The following CHD5 variants were observed in gnomAD, a reference collection of about 807,000 sequenced individuals.
CHD5 encodes chromodomain helicase DNA binding protein 5.
A neutral mutation model predicts 230.3 loss-of-function variants in CHD5; 69 were observed. That is an observed-to-expected ratio of 0.30 (90% CI 0.25 to 0.37). The LOEUF is 0.37. CHD5 is among the 10% of genes least tolerant of loss of function. The pLI is 1.00. For synonymous variants in CHD5, 1,064 were observed against 1,065.9 expected (o/e 1.00, Z 0.03); for missense variants, 1,827 against 2,622.8 (o/e 0.70, Z 6.63).
At chr1:6,108,399 G>A (rs1487238117) in intron 38 of CHD5, among the ~76,000 whole-genome samples, 1 of 146,712 alleles carries the variant, frequency 6.8e-6, no homozygotes, top group Non-Finnish European at 1.5e-5. Flanking sequence ...TGGAGGGATG[G>A]ACGGGTAGAG....
intron 38 of CHD5, among the ~76,000 whole-genome samples, chr1:6,107,901 G>A (rs541068798): frequency 7.3e-6 from 1 of 136,416 alleles, no homozygotes; most frequent in South Asian, 2.6e-4. Context: ...AGGATGGAGA[G>A]ATGGAGGGAT....
intron 2 of CHD5, among the ~76,000 whole-genome samples, chr1:6,160,916 G>A (rs1042993620): frequency 1.2e-4 from 18 of 152,190 alleles, no homozygotes; most frequent in South Asian, 8.3e-4. Flanking sequence ...GTCAACTGGC[G>A]AAGCCCTCCA....
At chr1:6,138,495 A>G (rs1441321988) in intron 15 of CHD5, among the ~76,000 whole-genome samples, 1 of 152,178 alleles carries the variant, frequency 6.6e-6, no homozygotes, top group Non-Finnish European at 1.5e-5. Context: ...GGTCTCCCCC[A>G]GTGATGTAGG....
chr1:6,121,694 A>C lies in CHD5; in HGVS notation c.4700-121T>G, dbSNP rs1468879845. The stretch of plus-strand genomic sequence containing the variant: ...CCTTCGGGAGGCTCCACTGCAGCCA[A>C]GCACCTCCAGGAGAGACAAGCAGGA... On this transcript the variant is annotated intron_variant, in intron 31 of 41. Transcript: ENST00000262450. The surrounding 1 kb of genome is among the most constrained non-coding windows in gnomAD (Gnocchi z 4.5). 3.0e-6 allele frequency: 2 copies of C among 658,860 alleles called. No homozygotes were observed. Among genetic ancestry groups the C allele is most frequent in the Non-Finnish European group, 5.4e-6 (2 of 372,398 alleles). 40.8% of individuals were successfully genotyped at this position (658,860 alleles called of 1,614,324 possible).
intron 1 of CHD5, among the ~76,000 whole-genome samples, chr1:6,171,701 A>G (rs1185767744): frequency 1.3e-5 from 2 of 152,066 alleles, no homozygotes; most frequent in South Asian, 2.1e-4. Flanking sequence ...CCTCCTCCCT[A>G]TGGCTCCATC....
rs1666143450 is a variant in CHD5, at chr1:6,105,270, G to A, written c.*204C>T. ...TGGAAGAACACTTGAATTATGATGA[G>A]GTGGCACTTCTGGGCTCTGGCCCAG... On this transcript the variant is annotated 3_prime_UTR_variant, in exon 42 of 42. Transcript: ENST00000262450. This position sits in a 1 kb window ranked among gnomAD's most constrained non-coding sequence, Gnocchi z 4.8. The A allele has an allele frequency of 2.6e-6, 1 of 385,350 alleles. No homozygotes were observed. The highest frequency in any genetic ancestry group is 5.3e-6 in the Non-Finnish European group (1 of 188,078). 23.9% of individuals were successfully genotyped at this position (385,350 alleles called of 1,614,324 possible). A position where few individuals can be genotyped will look rare whatever the true frequency, so the allele number is the denominator to read the frequency against.
intron 1 of CHD5, among the ~76,000 whole-genome samples, chr1:6,168,583 T>C (rs777013951): frequency 2.6e-5 from 4 of 152,322 alleles, no homozygotes; most frequent in South Asian, 2.1e-4. Context: ...ACAAACAGAA[T>C]TGCCTTGTTG....
intron 1 of CHD5, among the ~76,000 whole-genome samples, chr1:6,179,688 T>G (rs1051742992): frequency 6.7e-6 from 1 of 148,286 alleles, no homozygotes; most frequent in Non-Finnish European, 1.5e-5. Flanking sequence ...CTGGCCCGCC[T>G]GGCCCGCGTC....
At position 6,102,829 on chromosome 1, in the gene CHD5, T is replaced by C. The variant is rs2100822031; in HGVS notation, c.*2645A>G. 6.6e-6 allele frequency: 1 copy of C among 152,402 alleles called. No individual in the cohort carries two copies. The allele number at this position is 152,402 out of a possible 1,614,324, so 9.4% of individuals were successfully genotyped here. On this transcript the variant is annotated 3_prime_UTR_variant, in exon 42 of 42. Coordinates refer to ENST00000262450, the MANE Select transcript of CHD5 (RefSeq NM_015557.3). ...TGGCTTTCACGGGGGACGCTGCTTC[T>C]GCCTCAGGCGTGTATGAGAGGGCCC...
intron 1 of CHD5, among the ~76,000 whole-genome samples, chr1:6,170,316 A>G (rs865963405): frequency 6.6e-5 from 10 of 152,176 alleles, no homozygotes; most frequent in Middle Eastern, 3.4e-3. Context: ...TGGGACCCCC[A>G]GAGAGTCCTA....
chr1:6,102,836 G>A lies in CHD5; in HGVS notation c.*2638C>T, dbSNP rs1315837298. ...CACGGGGGACGCTGCTTCTGCCTCA[G>A]GCGTGTATGAGAGGGCCCTGCAGAC... On this transcript the variant is annotated 3_prime_UTR_variant, in exon 42 of 42. Coordinates refer to ENST00000262450, the MANE Select transcript of CHD5 (RefSeq NM_015557.3). 5 of 152,320 alleles carry A rather than the reference G, an allele frequency of 3.3e-5. No individual in the cohort carries two copies. Among genetic ancestry groups the A allele is most frequent in the African/African-American group, 9.7e-5 (4 of 41,448 alleles). 9.4% of individuals were successfully genotyped at this position (152,320 alleles called of 1,614,324 possible). A position where few individuals can be genotyped will look rare whatever the true frequency, so the allele number is the denominator to read the frequency against.
rs1666548849 is a variant in CHD5, at chr1:6,125,999, G to A, written c.4079-141C>T. The A allele has an allele frequency of 1.5e-6, 1 of 664,840 alleles. No individual in the cohort carries two copies. The highest frequency in any genetic ancestry group is 1.7e-5 in the South Asian group (1 of 57,572). The allele number at this position is 664,840 out of a possible 1,614,324, so 41.2% of individuals were successfully genotyped here. On this transcript the variant is annotated intron_variant, in intron 26 of 41. Coordinates refer to ENST00000262450, the MANE Select transcript of CHD5 (RefSeq NM_015557.3). This position sits in a 1 kb window ranked among gnomAD's most constrained non-coding sequence, Gnocchi z 6.7. ...AGTGACAATGGCCCACATACTTCCT[G>A]TGGGCTCATTTAGTAATCCCAACAC...
In CHD5 at chr1:6,121,109, C is replaced by A; in HGVS notation, c.4908G>T (p.Pro1636=). ...TGGCCTGCAAGAAGCCCCAACCTCTCGGCAGCTGCTCCGGGGAGGGCGGGG... is the reference window on the plus strand; with the variant it reads ...TGGCCTGCAAGAAGCCCCAACCTCTAGGCAGCTGCTCCGGGGAGGGCGGGG... ...EKAPPSPEQL[P]REEVLPEKEK... Residue 1636 remains proline, a synonymous_variant, in exon 33 of 42, where the codon CCG becomes CCT. Coordinates refer to ENST00000262450, the MANE Select transcript of CHD5 (RefSeq NM_015557.3). This position sits in a 1 kb window ranked among gnomAD's most constrained non-coding sequence, Gnocchi z 4.5. 6.3e-7 allele frequency: 1 copy of A among 1,595,936 alleles called. No homozygotes were observed. The highest frequency in any genetic ancestry group is 8.5e-7 in the Non-Finnish European group (1 of 1,172,302).
At position 6,105,977 on chromosome 1, in the gene CHD5, A is replaced by G. The variant is rs1470696288; in HGVS notation, c.*46+257T>C. Among the ~76,000 whole-genome samples the G allele has an allele frequency of 6.6e-6, 1 of 152,124 alleles. No homozygotes were observed. Among genetic ancestry groups the G allele is most frequent in the Admixed American group, 6.5e-5 (1 of 15,280 alleles). On this transcript the variant is annotated intron_variant, in intron 41 of 41. Transcript: ENST00000262450. This position sits in a 1 kb window ranked among gnomAD's most constrained non-coding sequence, Gnocchi z 4.8. ...CATGTGCACACACAGGAGCTCACCC[A>G]AGTCCACCGACCCCTTCATGTCCTG... is the stretch of plus-strand genomic sequence containing the variant.
At chr1:6,149,192 G>T in intron 8 of CHD5, 54 bp downstream of exon 8, 2 of 1,510,134 alleles carry the variant, frequency 1.3e-6, no homozygotes, top group Admixed American at 2.1e-5. Context: ...GGGCACAGGG[G>T]TGGGGGAGCC....
intron 3 of CHD5, among the ~76,000 whole-genome samples, chr1:6,158,463 G>A (rs1667113071): frequency 6.6e-6 from 1 of 152,212 alleles, no homozygotes; most frequent in Non-Finnish European, 1.5e-5. Flanking sequence ...AGAGGTTCCT[G>A]ACACTAAACT....
intron 36 of CHD5, among the ~76,000 whole-genome samples, chr1:6,110,998 G>A (rs1469094396): frequency 6.6e-6 from 1 of 152,158 alleles, no homozygotes; most frequent in Non-Finnish European, 1.5e-5. Context: ...GGGAGGCCAA[G>A]GTGGGCAGAT....
chr1:6,162,358 C>A (rs182205746), intron 2 of CHD5, among the ~76,000 whole-genome samples: 1 of 151,576 alleles, frequency 6.6e-6, no homozygotes, highest in African/African-American at 2.4e-5. Flanking sequence ...TGTACTCCAG[C>A]CTGGGTAATA....
chr1:6,134,882 G>A lies in CHD5; in HGVS notation c.2871-23C>T. Reference sequence around the variant, plus strand: ...TTCCTGCAGCAGGGCACGAGGAAAGGCAGGCTGGGTCAGACCCGCCTCCAT... The same window carrying A: ...TTCCTGCAGCAGGGCACGAGGAAAGACAGGCTGGGTCAGACCCGCCTCCAT... On this transcript the variant is annotated intron_variant, in intron 18 of 41. Coordinates refer to ENST00000262450, the MANE Select transcript of CHD5 (RefSeq NM_015557.3). This position sits in a 1 kb window ranked among gnomAD's most constrained non-coding sequence, Gnocchi z 6.3. 2 of 1,613,862 alleles carry A rather than the reference G, an allele frequency of 1.2e-6. No homozygotes were observed. The highest frequency in any genetic ancestry group is 1.7e-6 in the Non-Finnish European group (2 of 1,179,882).
Sources: allele counts gnomAD v4.1 joint callset (sites outside exome capture counted in the v4.1 genomes callset), GRCh38; gene constraint gnomAD v4.1.1; non-coding constraint Gnocchi (gnomAD v3.1); transcripts MANE v1.5; gene names NCBI Gene and HGNC (gene_info 2026-07-23, HGNC 2026-07-21).